ARHGEF15: variants seen among roughly 807,000 people sequenced by gnomAD.
ARHGEF15 encodes the protein Rho guanine nucleotide exchange factor 15, also known as Rho guanine nucleotide exchange factor (GEF) 15.
A neutral mutation model predicts 79.7 loss-of-function variants in ARHGEF15; 58 were observed. That is an observed-to-expected ratio of 0.73 (90% CI 0.59 to 0.91). The LOEUF is 0.91. ARHGEF15 is among the 40% of genes least tolerant of loss of function. The pLI is 0.00. For missense variants in ARHGEF15, 1,012 were observed against 1,108.1 expected (o/e 0.91, Z 1.23); for synonymous variants, 442 against 456.0 (o/e 0.97, Z 0.39).
chr17:8,314,325 A>G (rs911003492), intron 4 of ARHGEF15, among the ~76,000 whole-genome samples: 1 of 152,164 alleles, frequency 6.6e-6, no homozygotes, highest in African/African-American at 2.4e-5. Flanking sequence ...TCATTTATTC[A>G]ACAAACATTT....
Position 8,315,979 on chromosome 17 carries a change from A to G in ARHGEF15, c.1575-40A>G. On this transcript the variant is annotated intron_variant, in intron 8 of 15. Transcript: ENST00000361926. This position sits in a 1 kb window ranked among gnomAD's most constrained non-coding sequence, Gnocchi z 4.3. ...CGAGGCCACAGCAGGTTGGGGCACC[A>G]GGGCCTCCAGGCAGCCGCTAGCCAT... 6.3e-7 allele frequency: 1 copy of G among 1,598,612 alleles called. No homozygotes were observed.
Position 8,319,223 on chromosome 17 carries a change from A to G in ARHGEF15, c.2186+64A>G, listed in dbSNP as rs1905220194. 4 of 1,605,280 alleles carry G rather than the reference A, an allele frequency of 2.5e-6. No homozygotes were observed. The East Asian group carries it at 6.7e-5, about 27-fold the overall frequency. On this transcript the variant is annotated intron_variant, in intron 13 of 15. Transcript: ENST00000361926. ...TTATCTGACCTCTCAGACCTCCCCC[A>G]CTTCCCCAGTCTCTCTCTTCTGTGG... is the stretch of plus-strand genomic sequence containing the variant.
In ARHGEF15 at chr17:8,319,082, ACCCCCTACCT is replaced by A; in HGVS notation, c.2110_2119del (p.Pro704SerfsTer88). ...CCCAGCAGGTTCCGGATCCATCTGG[ACCCCCTACCT>A]TCCGCCTCTCCCTTCTCAGCAACCA... is the stretch of plus-strand genomic sequence containing the variant. On this transcript the variant is annotated frameshift_variant, in exon 13 of 16. Transcript: ENST00000361926. LOFTEE classifies it high-confidence loss of function. 1 of 1,612,692 alleles carries A rather than the reference ACCCCCTACCT, an allele frequency of 6.2e-7. No homozygotes were observed. Among genetic ancestry groups the A allele is most frequent in the Non-Finnish European group, 8.5e-7 (1 of 1,179,660 alleles).
chr17:8,319,692 G>A (rs1905258811), intron 15 of ARHGEF15, 89 bp downstream of exon 15: 1 of 1,146,918 alleles, frequency 8.7e-7, no homozygotes, highest in Admixed American at 3.3e-5. Flanking sequence ...CTAGAGTGCA[G>A]TGGTGTGAGC....
At position 8,321,025 on chromosome 17, in the gene ARHGEF15, A is replaced by C; in HGVS notation, c.*32A>C. ...CTGAGGAGGGGGCACATGTTGGGAGACACCTACCAGTGTGGCACGGAGAGA... is the reference window on the plus strand; with the variant it reads ...CTGAGGAGGGGGCACATGTTGGGAGCCACCTACCAGTGTGGCACGGAGAGA... On this transcript the variant is annotated 3_prime_UTR_variant, in exon 16 of 16. Transcript: ENST00000361926. The C allele has an allele frequency of 6.2e-7, 1 of 1,613,280 alleles. No homozygotes were observed. The highest frequency in any genetic ancestry group is 1.3e-5 in the African/African-American group (1 of 75,008).
chr17:8,315,995 C>G lies in ARHGEF15; in HGVS notation c.1575-24C>G, dbSNP rs757611385. ...TGGGGCACCAGGGCCTCCAGGCAGC[C>G]GCTAGCCATGCCTGCTTCTGCAGGG... On this transcript the variant is annotated intron_variant, in intron 8 of 15. Coordinates refer to ENST00000361926, the MANE Select transcript of ARHGEF15 (RefSeq NM_173728.4). The surrounding 1 kb of genome is among the most constrained non-coding windows in gnomAD (Gnocchi z 4.3). 1 of 1,598,904 alleles carries G rather than the reference C, an allele frequency of 6.3e-7. No homozygotes were observed. Among genetic ancestry groups the G allele is most frequent in the Non-Finnish European group, 8.5e-7 (1 of 1,177,568 alleles).
chr17:8,319,520 C>A lies in ARHGEF15; in HGVS notation c.2291C>A (p.Ser764Ter). The A allele has an allele frequency of 6.2e-7, 1 of 1,609,334 alleles. No individual in the cohort carries two copies. Among genetic ancestry groups the A allele is most frequent in the Non-Finnish European group, 8.5e-7 (1 of 1,178,130 alleles). Residue 764 changes from serine to a stop codon, truncating the protein, a stop_gained, in exon 15 of 16, where the codon TCA becomes TAA. Coordinates refer to ENST00000361926, the MANE Select transcript of ARHGEF15 (RefSeq NM_173728.4). LOFTEE classifies it high-confidence loss of function. ...CCAGACTGTTCCCAGGAACTGTGTT[C>A]AGAGTCGTCTGCACCTGCCAAGACT... ...EDCDCSQELCSESSAPAKTEG... is the reference protein window; with the variant it reads ...EDCDCSQELC
At chr17:8,313,450 G>A in intron 3 of ARHGEF15, 51 bp from the exon 4 acceptor site, 1 of 1,596,350 alleles carries the variant, frequency 6.3e-7, no homozygotes, top group Non-Finnish European at 8.5e-7. Context: ...GGGAGTCCTG[G>A]CTGGGGATCC....
At position 8,312,390 on chromosome 17, in the gene ARHGEF15, A is replaced by T; in HGVS notation, c.351A>T (p.Pro117=). 1.9e-6 allele frequency: 3 copies of T among 1,610,818 alleles called. No homozygotes were observed. Among genetic ancestry groups the T allele is most frequent in the Non-Finnish European group, 2.5e-6 (3 of 1,178,606 alleles). Residue 117 remains proline, a synonymous_variant, in exon 2 of 16, where the codon CCA becomes CCT. Transcript: ENST00000361926. ...CCCCAGAACCTGCTCCCCGGTCTCC[A>T]GTCCCCCCACCCAAGCCGTCTGGGT... ...SASPEPAPRS[P]VPPPKPSGSP... is the part of the protein sequence containing the mutation.
At chr17:8,312,864 G>A in intron 2 of ARHGEF15, 58 bp from the exon 3 acceptor site, 14 of 1,565,692 alleles carry the variant, frequency 8.9e-6, no homozygotes, top group Non-Finnish European at 1.0e-5. Context: ...GAGATGGTCT[G>A]GGCGGGGGTG....
In ARHGEF15 at chr17:8,312,140, C is replaced by T; in HGVS notation, c.101C>T (p.Pro34Leu). The T allele has an allele frequency of 6.2e-7, 1 of 1,607,900 alleles. No homozygotes were observed. Among genetic ancestry groups the T allele is most frequent in the Admixed American group, 1.7e-5 (1 of 59,192 alleles). ...PPSRSRAAQS[P>L]GPPHNGSSPQ... ...TCTCGTTCCAGGGCTGCCCAGTCCC[C>T]AGGGCCTCCCCACAATGGCTCCTCT... The change falls in exon 2 of 16, where the codon CCA becomes CTA. Residue 34 changes from proline (P) to leucine (L), a missense_variant. Coordinates refer to ENST00000361926, the MANE Select transcript of ARHGEF15 (RefSeq NM_173728.4).
At position 8,312,426 on chromosome 17, in the gene ARHGEF15, G is replaced by A. The variant is rs149692144; in HGVS notation, c.387G>A (p.Thr129=). ...PPPKPSGSPC[T]PLLPMAGVLA... ...CCAAGCCGTCTGGGTCACCCTGCAC[G>A]CCTCTGCTCCCCATGGCTGGAGTCC... Residue 129 remains threonine, a synonymous_variant, in exon 2 of 16, where the codon ACG becomes ACA. Coordinates refer to ENST00000361926, the MANE Select transcript of ARHGEF15 (RefSeq NM_173728.4). 50 of 1,613,576 alleles carry A rather than the reference G, an allele frequency of 3.1e-5. No individual in the cohort carries two copies. Among genetic ancestry groups the A allele is most frequent in the African/African-American group, 1.5e-4 (11 of 74,866 alleles).
intron 13 of ARHGEF15, 28 bp from the exon 14 acceptor site, chr17:8,319,284 C>G: frequency 6.2e-7 from 1 of 1,611,610 alleles, no homozygotes; most frequent in South Asian, 1.1e-5. Flanking sequence ...TTTGGGCCAA[C>G]TGTGACACTT....
Position 8,321,081 on chromosome 17 carries a change from T to A in ARHGEF15, c.*88T>A, listed in dbSNP as rs1021841445. 1.2e-5 allele frequency: 19 copies of A among 1,546,816 alleles called. No individual in the cohort carries two copies. In the African/African-American group the frequency reaches 1.9e-4, roughly 16 times the overall value. On this transcript the variant is annotated 3_prime_UTR_variant, in exon 16 of 16. Coordinates refer to ENST00000361926, the MANE Select transcript of ARHGEF15 (RefSeq NM_173728.4). ...GCCCATTCATCCATTGGATTCACTG[T>A]CAGTGGAGATACTACCTCTCGTGGC...
intron 9 of ARHGEF15, among the ~76,000 whole-genome samples, chr17:8,317,783 C>T (rs1211660531): frequency 2.0e-5 from 3 of 152,094 alleles, no homozygotes; most frequent in Non-Finnish European, 2.9e-5. Flanking sequence ...TAGGAACCTT[C>T]GGGGCAGGCA....
At chr17:8,314,721 C>G (rs1189938178) in intron 4 of ARHGEF15, 185 bp from the exon 5 acceptor site, 2 of 625,990 alleles carry the variant, frequency 3.2e-6, no homozygotes, top group South Asian at 4.5e-5. Context: ...GGCAACATAA[C>G]GAGACCTTGC....
chr17:8,317,923 G>A (rs1301558188), intron 9 of ARHGEF15, among the ~76,000 whole-genome samples: 1 of 152,020 alleles, frequency 6.6e-6, no homozygotes, highest in African/African-American at 2.4e-5. Flanking sequence ...AAAAAAATTA[G>A]TCGGGCGTGG....
intron 2 of ARHGEF15, 36 bp downstream of exon 2, chr17:8,312,676 A>C (rs934898137): frequency 1.9e-6 from 3 of 1,610,770 alleles, no homozygotes; most frequent in Non-Finnish European, 2.5e-6. Context: ...GGGTGACCTC[A>C]ATCCACCCAT....
chr17:8,315,155 G>T lies in ARHGEF15; in HGVS notation c.1138G>T (p.Gly380Ter). 1.2e-6 allele frequency: 2 copies of T among 1,614,084 alleles called. No individual in the cohort carries two copies. The highest frequency in any genetic ancestry group is 8.5e-7 in the Non-Finnish European group (1 of 1,180,000). ...TGGGAGTCCTTCTCCAGCAAATGCT[G>T]GAGATGCACCCACCTTCCCACGACC... ...EDGSPSPANA[G>*]DAPTFPRPPG... The change falls in exon 6 of 16, where the codon GGA becomes TGA. Residue 380 changes from glycine (G) to a stop codon, truncating the protein, a stop_gained. Transcript: ENST00000361926. LOFTEE classifies it high-confidence loss of function. This position sits in a 1 kb window ranked among gnomAD's most constrained non-coding sequence, Gnocchi z 4.3.
Sources: allele counts gnomAD v4.1 joint callset (sites outside exome capture counted in the v4.1 genomes callset), GRCh38; gene constraint gnomAD v4.1.1; non-coding constraint Gnocchi (gnomAD v3.1); transcripts MANE v1.5; gene names NCBI Gene and HGNC (gene_info 2026-07-23, HGNC 2026-07-21).